Variants in ARHGAP24 observed in about 807,000 individuals in gnomAD.
ARHGAP24 encodes the protein Rho GTPase activating protein 24.
ARHGAP24 carries 50 observed loss-of-function variants against 76.4 expected under a neutral mutation model. The ratio of observed to expected loss-of-function variants is 0.65; its 90% CI spans 0.52 to 0.83. The LOEUF (loss-of-function observed/expected upper bound fraction) is 0.83, where lower values mean the gene tolerates loss of function less well. Ranked by LOEUF, ARHGAP24 falls within the 40% of genes least tolerant of loss-of-function variation. The pLI is 0.00. For missense variants in ARHGAP24, 930 were observed against 914.2 expected (o/e 1.02, Z -0.22); for synonymous variants, 345 against 323.3 (o/e 1.07, Z -0.72).
At chr4:85,695,015 A>G (rs1041485374) in intron 2 of ARHGAP24, among the ~76,000 whole-genome samples, 11 of 152,340 alleles carry the variant, frequency 7.2e-5, no homozygotes, top group Admixed American at 7.2e-4. Flanking sequence ...TGGAGGTAAA[A>G]TGTTATGCAT....
At chr4:85,635,687 T>G (rs2109966241) in intron 2 of ARHGAP24, among the ~76,000 whole-genome samples, 1 of 152,058 alleles carries the variant, frequency 6.6e-6, no homozygotes, top group South Asian at 2.1e-4. Context: ...GTACAAAGGA[T>G]TTTAATTTTG....
chr4:85,556,814 G>A (rs1259985528), intron 1 of ARHGAP24, among the ~76,000 whole-genome samples: 1 of 152,152 alleles, frequency 6.6e-6, no homozygotes, highest in Admixed American at 6.5e-5. Context: ...AGGGCTGCAG[G>A]ACAGCAAAAA....
rs879011852 is a variant in ARHGAP24, at chr4:85,827,878, T to C, written c.269-95770T>C. The C allele has an allele frequency of 4.7e-6, 6 of 1,287,334 alleles. No individual in the cohort carries two copies. In the South Asian group the frequency reaches 7.4e-5, roughly 16 times the overall value. The allele number at this position is 1,287,334 out of a possible 1,614,324, so 79.7% of individuals were successfully genotyped here. On this transcript the variant is annotated intron_variant, in intron 3 of 9. Transcript: ENST00000395184. ...GTAGGACCTGAGTTGGGCTCGAATGTGCTTTAAGCGACTCAGGACAGAGCA... is the reference window on the plus strand; with the variant it reads ...GTAGGACCTGAGTTGGGCTCGAATGCGCTTTAAGCGACTCAGGACAGAGCA...
intron 2 of ARHGAP24, among the ~76,000 whole-genome samples, chr4:85,694,610 G>C (rs1335168344): frequency 6.6e-6 from 1 of 152,034 alleles, no homozygotes; most frequent in Non-Finnish European, 1.5e-5. Flanking sequence ...AGAAAAAAAA[G>C]CTTCTCATCC....
In ARHGAP24 at chr4:85,564,488, A is replaced by T. The variant is rs184340707; in HGVS notation, c.-20-6034A>T. Among the ~76,000 whole-genome samples, 5 of 151,950 alleles carry T rather than the reference A, an allele frequency of 3.3e-5. No homozygotes were observed. In the East Asian group the frequency reaches 9.7e-4, roughly 29 times the overall value. ...GCACACCAACATGGCACATGTATACATATGTAACAAACCTGCATGTTGTGC... is the reference window on the plus strand; with the variant it reads ...GCACACCAACATGGCACATGTATACTTATGTAACAAACCTGCATGTTGTGC... On this transcript the variant is annotated intron_variant, in intron 1 of 9. Transcript: ENST00000395184.
rs543193570 is a variant in ARHGAP24 at position 85,613,820 on chromosome 4, G to T, written c.180+43099G>T. Among the ~76,000 whole-genome samples, 381 of 152,242 alleles carry T rather than the reference G, an allele frequency of 2.5e-3. 2 individuals are homozygous for T. Among genetic ancestry groups the T allele is most frequent in the Non-Finnish European group, 3.6e-3 (243 of 68,014 alleles). ...GGATCTTCATTTTTCTAGCCTCCTAGAAAGGAGCTTCATGGTCACCACCTG... is the reference window on the plus strand; with the variant it reads ...GGATCTTCATTTTTCTAGCCTCCTATAAAGGAGCTTCATGGTCACCACCTG... On this transcript the variant is annotated intron_variant, in intron 2 of 9. Transcript: ENST00000395184.
At chr4:85,497,961 C>G (rs1217588883) in intron 1 of ARHGAP24, among the ~76,000 whole-genome samples, 3 of 152,174 alleles carry the variant, frequency 2.0e-5, no homozygotes, top group Non-Finnish European at 2.9e-5. Flanking sequence ...ATTTCCTTCT[C>G]CAACTTGTAA....
intron 3 of ARHGAP24, among the ~76,000 whole-genome samples, chr4:85,793,254 A>C (rs1728206280): frequency 6.6e-6 from 1 of 152,176 alleles, no homozygotes; most frequent in African/African-American, 2.4e-5. Context: ...ATATTTCGAA[A>C]AACTCCAGTG....
chr4:85,705,428 A>G (rs1724276882), intron 2 of ARHGAP24, among the ~76,000 whole-genome samples: 2 of 152,228 alleles, frequency 1.3e-5, no homozygotes, highest in Admixed American at 6.5e-5. Flanking sequence ...ACTTGCATGC[A>G]TGTAAATATT....
rs183606203 is a variant in ARHGAP24, at chr4:85,834,495, G to A, written c.269-89153G>A. On this transcript the variant is annotated intron_variant, in intron 3 of 9. Coordinates refer to ENST00000395184, the MANE Select transcript of ARHGAP24 (RefSeq NM_001025616.3). ...TCTCGCCACTTGCCCCTGAAAATGA[G>A]ACAGAAAACTAATAAGAACAGTTCT... Among the ~76,000 whole-genome samples the A allele has an allele frequency of 2.0e-4, 30 of 152,202 alleles. 1 individual carries two copies. Among genetic ancestry groups the A allele is most frequent in the Admixed American group, 2.0e-3 (30 of 15,270 alleles).
At chr4:85,659,875 G>A (rs1722313692) in intron 2 of ARHGAP24, among the ~76,000 whole-genome samples, 1 of 152,162 alleles carries the variant, frequency 6.6e-6, no homozygotes, top group Admixed American at 6.6e-5. Context: ...CAGCATTTCT[G>A]ATAACTTAGA....
chr4:85,711,065 A>G lies in ARHGAP24; in HGVS notation c.181-10820A>G, dbSNP rs115476763. On this transcript the variant is annotated intron_variant, in intron 2 of 9. Transcript: ENST00000395184. ...ATATACCATGGAATACTATGCAGCTATAAAAGAACAACAAGATCATGTCCT... is the reference window on the plus strand; with the variant it reads ...ATATACCATGGAATACTATGCAGCTGTAAAAGAACAACAAGATCATGTCCT... Among the ~76,000 whole-genome samples, 815 of 152,338 alleles carry G rather than the reference A, an allele frequency of 5.3e-3. 10 individuals carry two copies. Among genetic ancestry groups the G allele is most frequent in the Middle Eastern group, 0.037 (11 of 294 alleles).
In ARHGAP24 at chr4:85,492,416, C is replaced by A. The variant is rs115114828; in HGVS notation, c.-21+16857C>A. Among the ~76,000 whole-genome samples the A allele has an allele frequency of 2.7e-3, 409 of 152,228 alleles. 3 individuals carry two copies. The highest frequency in any genetic ancestry group is 3.5e-3 in the Non-Finnish European group (236 of 68,010). ...ATTAGCTCCTCCTTTCTACTCCTAT[C>A]CTCATAAAGCTTTTATGGAAATGTA... On this transcript the variant is annotated intron_variant, in intron 1 of 9. Coordinates refer to ENST00000395184, the MANE Select transcript of ARHGAP24 (RefSeq NM_001025616.3).
At chr4:85,962,694 C>T (rs1366551112) in intron 5 of ARHGAP24, among the ~76,000 whole-genome samples, 1 of 151,362 alleles carries the variant, frequency 6.6e-6, no homozygotes, top group Non-Finnish European at 1.5e-5. Flanking sequence ...AAGTCATGTT[C>T]CACAGAGTAG....
At chr4:85,496,208 C>T (rs1293354093) in intron 1 of ARHGAP24, among the ~76,000 whole-genome samples, 1 of 152,180 alleles carries the variant, frequency 6.6e-6, no homozygotes, top group Admixed American at 6.5e-5. Flanking sequence ...AAGATACCAC[C>T]GGTGTTTATT....
chr4:85,772,819 G>A (rs1040731797), intron 3 of ARHGAP24, among the ~76,000 whole-genome samples: 1 of 152,106 alleles, frequency 6.6e-6, no homozygotes, highest in East Asian at 1.9e-4. Context: ...CTAAGATATT[G>A]CCAAATTATA....
intron 3 of ARHGAP24, among the ~76,000 whole-genome samples, chr4:85,813,568 A>C (rs952734956): frequency 2.0e-4 from 31 of 152,186 alleles, no homozygotes; most frequent in Non-Finnish European, 3.8e-4. Context: ...ATAATTCTTC[A>C]AAGTGAAAAC....
At chr4:85,564,400 G>T (rs540352873) in intron 1 of ARHGAP24, among the ~76,000 whole-genome samples, 14 of 145,102 alleles carry the variant, frequency 9.6e-5, no homozygotes, top group South Asian at 2.1e-4. Context: ...TTGTGGGGTG[G>T]GGGGAGCGGG....
chr4:85,556,660 A>T (rs1412310653), intron 1 of ARHGAP24, among the ~76,000 whole-genome samples: 2 of 152,176 alleles, frequency 1.3e-5, no homozygotes, highest in Non-Finnish European at 2.9e-5. Flanking sequence ...GTCAACAGGC[A>T]CTGCCGAGTG....
Sources: gnomAD v4.1 joint callset for allele counts (sites outside exome capture counted in the v4.1 genomes callset) on GRCh38, gnomAD v4.1.1 for gene constraint, MANE v1.5 for transcripts, NCBI Gene and HGNC (gene_info 2026-07-23, HGNC 2026-07-21) for gene names.